CGNL1: variants seen among roughly 807,000 people sequenced by gnomAD.
CGNL1 encodes the protein cingulin like 1.
A neutral mutation model predicts 141.2 loss-of-function variants in CGNL1; 132 were observed. The ratio of observed to expected loss-of-function variants is 0.93; its 90% CI spans 0.81 to 1.08. CGNL1 has a LOEUF of 1.08. Among genes scored for constraint, CGNL1 ranks in the 50% least tolerant of loss-of-function variants. CGNL1 has a pLI of 0.00. For synonymous variants in CGNL1, 690 were observed against 622.1 expected (o/e 1.11, Z -1.63); for missense variants, 1,870 against 1,588.6 (o/e 1.18, Z -3.01).
intron 8 of CGNL1, among the ~76,000 whole-genome samples, chr15:57,515,505 C>G (rs137917745): frequency 2.8e-4 from 42 of 152,308 alleles, no homozygotes; most frequent in African/African-American, 8.7e-4. Flanking sequence ...CTGGGCCTTT[C>G]TTTTATCGCA....
In CGNL1 at chr15:57,379,028, G is replaced by A. The variant is rs1397008363; in HGVS notation, c.-16+2461G>A. ...TTTGGGGAGCAAGACTATATGGAAA[G>A]TGTTTTCCTACTGTTTTTTTTGTGT... On this transcript the variant is annotated intron_variant, in intron 1 of 18. Transcript: ENST00000281282. Among the ~76,000 whole-genome samples, 10 of 152,082 alleles carry A rather than the reference G, an allele frequency of 6.6e-5. 1 individual carries two copies. Among genetic ancestry groups the A allele is most frequent in the Admixed American group, 5.2e-4 (8 of 15,252 alleles).
At chr15:57,409,331 T>C (rs1476673914) in intron 1 of CGNL1, among the ~76,000 whole-genome samples, 1 of 152,184 alleles carries the variant, frequency 6.6e-6, no homozygotes, top group Non-Finnish European at 1.5e-5. Flanking sequence ...GGGCCTGGTC[T>C]TGAATTCCAT....
At chr15:57,448,789 GGTTA>G (rs2063287677) in intron 4 of CGNL1, among the ~76,000 whole-genome samples, 2 of 151,584 alleles carry the variant, frequency 1.3e-5, no homozygotes, top group African/African-American at 4.8e-5. Context: ...TTTAGTTACT[GGTTA>G]GTTCTTCCTA....
At chr15:57,515,528 A>G (rs971428038) in intron 8 of CGNL1, among the ~76,000 whole-genome samples, 2 of 152,064 alleles carry the variant, frequency 1.3e-5, no homozygotes, top group African/African-American at 2.4e-5. Context: ...CGTCTGTAGC[A>G]TTGTGTTGTA....
chr15:57,524,504 C>A, intron 11 of CGNL1, 77 bp from the exon 12 acceptor site: 1 of 1,285,740 alleles, frequency 7.8e-7, no homozygotes, highest in African/African-American at 1.5e-5. Context: ...AGGAGATGTG[C>A]TGTGTGTTGA....
intron 1 of CGNL1, among the ~76,000 whole-genome samples, chr15:57,377,339 C>T (rs1048464705): frequency 4.6e-5 from 7 of 152,158 alleles, no homozygotes; most frequent in African/African-American, 1.2e-4. Context: ...CAAACTTGGC[C>T]CCACATCTGG....
chr15:57,491,196 A>G (rs984780107), intron 8 of CGNL1, among the ~76,000 whole-genome samples: 1 of 152,246 alleles, frequency 6.6e-6, no homozygotes, highest in African/African-American at 2.4e-5. Context: ...TGTAAGATGC[A>G]GTAACAGGGG....
rs186957942 is a variant in CGNL1, at chr15:57,460,810, G to T, written c.2191-870G>T. 4.6e-5 allele frequency among the ~76,000 whole-genome samples: 7 copies of T among 152,272 alleles called. No individual in the cohort carries two copies. The East Asian group carries it at 1.4e-3, about 29-fold the overall frequency. On this transcript the variant is annotated intron_variant, in intron 7 of 18. Coordinates refer to ENST00000281282, the MANE Select transcript of CGNL1 (RefSeq NM_032866.5). ...AAGATGAGATTTGGGTGAGGACATA[G>T]AGCCAAACCATGTCAATAACTGATG...
intron 4 of CGNL1, among the ~76,000 whole-genome samples, chr15:57,446,547 A>T (rs1322239223): frequency 6.6e-6 from 1 of 151,822 alleles, no homozygotes; most frequent in Non-Finnish European, 1.5e-5. Flanking sequence ...TGTTGCATAT[A>T]CTGGTAGCTA....
chr15:57,517,201 A>G (rs1233737680), intron 9 of CGNL1, among the ~76,000 whole-genome samples: 1 of 152,176 alleles, frequency 6.6e-6, no homozygotes, highest in African/African-American at 2.4e-5. Context: ...GTCAGGCGGG[A>G]ACACAGGTCT....
intron 14 of CGNL1, among the ~76,000 whole-genome samples, chr15:57,536,988 C>T (rs1006897190): frequency 2.6e-5 from 4 of 152,320 alleles, no homozygotes; most frequent in Admixed American, 6.5e-5. Flanking sequence ...CTGATCCTCT[C>T]CTGATTCTTT....
intron 1 of CGNL1, among the ~76,000 whole-genome samples, chr15:57,387,496 TG>T (rs2062496571): frequency 6.6e-6 from 1 of 152,204 alleles, no homozygotes; most frequent in Non-Finnish European, 1.5e-5. Flanking sequence ...GCCAGGTTCT[TG>T]GTGCTGGGGA....
chr15:57,539,591 C>T (rs1430773621), intron 14 of CGNL1, among the ~76,000 whole-genome samples: 1 of 152,230 alleles, frequency 6.6e-6, no homozygotes, highest in African/African-American at 2.4e-5. Flanking sequence ...CCCACCTCTT[C>T]ACCTCCAGCG....
chr15:57,509,738 C>A (rs1644369147), intron 8 of CGNL1, among the ~76,000 whole-genome samples: 1 of 152,222 alleles, frequency 6.6e-6, no homozygotes, highest in African/African-American at 2.4e-5. Context: ...CACTTTCTTG[C>A]ATATGTGTGA....
Position 57,438,834 on chromosome 15 carries a change from C to G in CGNL1, c.835C>G (p.Arg279Gly), listed in dbSNP as rs771249830. 5 of 1,614,038 alleles carry G rather than the reference C, an allele frequency of 3.1e-6. No individual in the cohort carries two copies. The highest frequency in any genetic ancestry group is 3.4e-6 in the Non-Finnish European group (4 of 1,180,042). The change falls in exon 2 of 19, where the codon CGG (arginine) becomes GGG (glycine). Residue 279 changes from arginine to glycine, a missense_variant. Physicochemically the swap from Arg to Gly is moderately radical, Grantham distance 125 (BLOSUM62 -2). Transcript: ENST00000281282. ...AACCAGGCCAGATGTTCTTCCCTTC[C>G]GGCGACAGGATTCAGCGGGACCCGT... Reference protein sequence around the residue: ...KKTRPDVLPFRRQDSAGPVLD... With the variant: ...KKTRPDVLPFGRQDSAGPVLD...
intron 1 of CGNL1, among the ~76,000 whole-genome samples, chr15:57,430,776 G>A (rs563874213): frequency 1.6e-4 from 25 of 152,332 alleles, no homozygotes; most frequent in African/African-American, 5.3e-4. Flanking sequence ...CTGGAGTGCA[G>A]TGGTGCAATC....
chr15:57,509,497 C>T (rs765462496), intron 8 of CGNL1, among the ~76,000 whole-genome samples: 8 of 152,186 alleles, frequency 5.3e-5, no homozygotes, highest in African/African-American at 9.7e-5. Context: ...TCCAAGGTGT[C>T]GGGTCCGTGT....
At chr15:57,453,582 G>A (rs1295390836) in intron 6 of CGNL1, 101 bp from the exon 7 acceptor site, 4 of 1,458,620 alleles carry the variant, frequency 2.7e-6, no homozygotes, top group Admixed American at 4.1e-5. Context: ...GCTCCTTGGG[G>A]CTTTAGAGAC....
chr15:57,442,321 C>T (rs2063199877), intron 3 of CGNL1, 52 bp from the exon 4 acceptor site: 2 of 1,121,582 alleles, frequency 1.8e-6, no homozygotes, highest in Non-Finnish European at 2.7e-6. Context: ...ATAAATTGTT[C>T]TGAGACCAGT....
Sources: allele counts gnomAD v4.1 joint callset (sites outside exome capture counted in the v4.1 genomes callset), GRCh38; gene constraint gnomAD v4.1.1; transcripts MANE v1.5; gene names NCBI Gene and HGNC (gene_info 2026-07-23, HGNC 2026-07-21).